IQSEC3: variants seen among roughly 807,000 people sequenced by gnomAD.
The protein encoded by IQSEC3 is IQ motif and SEC7 domain-containing protein 3.
Under a neutral mutation model 105.4 loss-of-function variants are expected in IQSEC3, and 50 were observed. That is an observed-to-expected ratio of 0.47 (90% confidence interval 0.38 to 0.60). The LOEUF is 0.60. Ranked by LOEUF, IQSEC3 falls within the 20% of genes least tolerant of loss-of-function variation. The pLI is 0.00. For synonymous variants in IQSEC3, 708 were observed against 746.0 expected (o/e 0.95, Z 0.83); for missense variants, 1,415 against 1,630.0 (o/e 0.87, Z 2.27).
chr12:168,865 G>A (rs1938815213), intron 11 of IQSEC3, 148 bp from the exon 12 acceptor site: 5 of 695,990 alleles, frequency 7.2e-6, no homozygotes, highest in Non-Finnish European at 1.0e-5. Flanking sequence ...ATTCAGTGGT[G>A]GGGCCAGACC....
chr12:107,164 T>A (rs1321585933), intron 2 of IQSEC3, among the ~76,000 whole-genome samples: 2 of 152,206 alleles, frequency 1.3e-5, no homozygotes, highest in Non-Finnish European at 2.9e-5. Context: ...TTAAAGTGGC[T>A]CCCATTGTCT....
At chr12:149,682 A>G (rs1442194871) in intron 5 of IQSEC3, among the ~76,000 whole-genome samples, 1 of 152,202 alleles carries the variant, frequency 6.6e-6, no homozygotes, top group Non-Finnish European at 1.5e-5. Context: ...ACACAGGGAG[A>G]TAAACGCAAT....
At chr12:165,402 T>C (rs782122664) in intron 9 of IQSEC3, 32 bp from the exon 10 acceptor site, 69 of 1,543,438 alleles carry the variant, frequency 4.5e-5, no homozygotes, top group Non-Finnish European at 5.9e-5. Flanking sequence ...TGTCTGTTCA[T>C]CAGGGCATGC....
chr12:156,013 C>G (rs1211470191), intron 5 of IQSEC3, among the ~76,000 whole-genome samples: 2 of 152,172 alleles, frequency 1.3e-5, no homozygotes, highest in Non-Finnish European at 2.9e-5. Context: ...GCACATGGCC[C>G]TGGGGACAGG....
At chr12:99,076 C>T (rs1864333833) in intron 1 of IQSEC3, 70 bp from the exon 2 acceptor site, 1 of 1,405,130 alleles carries the variant, frequency 7.1e-7, no homozygotes, top group African/African-American at 1.4e-5. Flanking sequence ...GGCAGAAATG[C>T]TTTAGTGTCA....
Position 175,073 on chromosome 12 carries a change from A to C in IQSEC3, c.*40A>C. Reference sequence around the variant, plus strand: ...CCCTGCTGTCCTGGGAGGGCTGGCCACTGGGGGGCCTGGGCTGCCCCTCCA... The same window carrying C: ...CCCTGCTGTCCTGGGAGGGCTGGCCCCTGGGGGGCCTGGGCTGCCCCTCCA... On this transcript the variant is annotated 3_prime_UTR_variant, in exon 14 of 14. Transcript: ENST00000538872. 1 of 1,442,962 alleles carries C rather than the reference A, an allele frequency of 6.9e-7. No homozygotes were observed. The highest frequency in any genetic ancestry group is 9.2e-7 in the Non-Finnish European group (1 of 1,091,150). 89.4% of individuals were successfully genotyped at this position (1,442,962 alleles called of 1,614,324 possible). A position where few individuals can be genotyped will look rare whatever the true frequency, so the allele number is the denominator to read the frequency against.
chr12:104,785 C>A (rs1864587727), intron 2 of IQSEC3, among the ~76,000 whole-genome samples: 2 of 152,378 alleles, frequency 1.3e-5, no homozygotes, highest in African/African-American at 4.8e-5. Context: ...CGGGGATAGC[C>A]CTGCATTGGC....
chr12:151,677 T>A (rs1866516077), intron 5 of IQSEC3, among the ~76,000 whole-genome samples: 1 of 152,100 alleles, frequency 6.6e-6, no homozygotes, highest in Non-Finnish European at 1.5e-5. Context: ...CCCAAATCCT[T>A]CTCATGACCC....
At chr12:172,739 C>T (rs1350480375) in intron 13 of IQSEC3, among the ~76,000 whole-genome samples, 1 of 152,234 alleles carries the variant, frequency 6.6e-6, no homozygotes, top group Non-Finnish European at 1.5e-5. Flanking sequence ...TCCCCTCATT[C>T]TTTCTTTCAT....
Position 125,882 on chromosome 12 carries a change from C to G in IQSEC3, c.873C>G (p.Tyr291Ter). The G allele has an allele frequency of 6.5e-7, 1 of 1,533,784 alleles. No individual in the cohort carries two copies. The highest frequency in any genetic ancestry group is 8.7e-7 in the Non-Finnish European group (1 of 1,146,500). ...LCPHAPAASD[Y>*]ELSLDLKNKQ... ...CCCACGCCCCTGCCGCCTCCGATTA[C>G]GAACTCTCCCTTGACCTAAAGAATA... The change falls in exon 3 of 14, where the codon TAC becomes TAG. Residue 291 changes from tyrosine to a stop codon, truncating the protein, a stop_gained. Transcript: ENST00000538872. LOFTEE classifies it high-confidence loss of function.
intron 10 of IQSEC3, 82 bp downstream of exon 10, chr12:165,615 G>A (rs1555098099): frequency 8.9e-6 from 14 of 1,567,476 alleles, no homozygotes; most frequent in South Asian, 1.1e-5. Flanking sequence ...GAGAAGGGCT[G>A]GACAGCAGAG....
rs555168049 is a variant in IQSEC3 at position 126,827 on chromosome 12, A to C, written c.903+915A>C. 4.6e-5 allele frequency among the ~76,000 whole-genome samples: 7 copies of C among 152,366 alleles called. No homozygotes were observed. In the South Asian group the frequency reaches 1.2e-3, roughly 27 times the overall value. On this transcript the variant is annotated intron_variant, in intron 3 of 13. Transcript: ENST00000538872. ...AATTCTTCAACCCAATAGGCAAGGT[A>C]TCTTCAGAAAGGAAGCTAGTGGGAA...
intron 5 of IQSEC3, among the ~76,000 whole-genome samples, chr12:154,790 C>G (rs1273413210): frequency 3.3e-5 from 5 of 152,152 alleles, no homozygotes; most frequent in African/African-American, 4.8e-5. Flanking sequence ...CTGTTTTTTG[C>G]TTGTTCTTTA....
chr12:103,981 C>T (rs951610468), intron 2 of IQSEC3, among the ~76,000 whole-genome samples: 5 of 144,420 alleles, frequency 3.5e-5, no homozygotes, highest in Admixed American at 2.8e-4. Context: ...GGGTAGGGGT[C>T]TAAGGGGCAC....
At chr12:74,933 C>T (rs540560677) in intron 1 of IQSEC3, among the ~76,000 whole-genome samples, 88 of 152,368 alleles carry the variant, frequency 5.8e-4, no homozygotes, top group African/African-American at 1.9e-3. Context: ...CATTATGTGA[C>T]GATGGACCAA....
At chr12:134,241 G>A (rs1865686192) in intron 3 of IQSEC3, among the ~76,000 whole-genome samples, 1 of 152,276 alleles carries the variant, frequency 6.6e-6, no homozygotes, top group Non-Finnish European at 1.5e-5. Flanking sequence ...CACTGTCCAA[G>A]CATTGGAGGA....
At position 143,594 on chromosome 12, in the gene IQSEC3, C is replaced by T. The variant is rs1340961796; in HGVS notation, c.2153+2309C>T. 3 of 169,164 alleles carry T rather than the reference C, an allele frequency of 1.8e-5. 1 individual carries two copies. The highest frequency in any genetic ancestry group is 3.8e-5 in the Non-Finnish European group (3 of 78,836). The allele number at this position is 169,164 out of a possible 1,614,324, so 10.5% of individuals were successfully genotyped here. ...CTGGGGTGCCAGAGTTCATGCAGGG[C>T]AGTGCTGGGGTGCCAGAGTTCATGC... On this transcript the variant is annotated intron_variant, in intron 5 of 13. Coordinates refer to ENST00000538872, the MANE Select transcript of IQSEC3 (RefSeq NM_001170738.2).
At chr12:103,164 C>T (rs1864484684) in intron 2 of IQSEC3, among the ~76,000 whole-genome samples, 1 of 151,892 alleles carries the variant, frequency 6.6e-6, no homozygotes, top group Non-Finnish European at 1.5e-5. Context: ...GCCCTACTTT[C>T]GATCCTGCCG....
chr12:163,434 G>A (rs74408224), intron 8 of IQSEC3, 60 bp from the exon 9 acceptor site: 40,775 of 1,408,824 alleles, frequency 0.029, 998 homozygotes, highest in Non-Finnish European at 0.033. Flanking sequence ...AAATGGGCGC[G>A]TGGGTGGGGA....
Sources: gnomAD v4.1 joint callset for allele counts (sites outside exome capture counted in the v4.1 genomes callset) on GRCh38, gnomAD v4.1.1 for gene constraint, MANE v1.5 for transcripts, NCBI Gene and HGNC (gene_info 2026-07-23, HGNC 2026-07-21) for gene names.